GALNT3: variants seen among roughly 807,000 people sequenced by gnomAD.
The protein encoded by GALNT3 is polypeptide N-acetylgalactosaminyltransferase 3, also known as GalNAc transferase 3.
GALNT3 carries 51 observed loss-of-function variants against 69.8 expected under a neutral mutation model. The observed-to-expected ratio is 0.73, with a 90% CI of 0.58 to 0.92. GALNT3 has a LOEUF of 0.92. GALNT3 is among the 40% of genes least tolerant of loss of function. The pLI is 0.00. For missense variants in GALNT3, 711 were observed against 760.0 expected (o/e 0.94, Z 0.76); for synonymous variants, 265 against 248.5 (o/e 1.07, Z -0.63).
At chr2:165,792,759 A>G (rs73017465) in intron 1 of GALNT3, among the ~76,000 whole-genome samples, 24,958 of 152,106 alleles carry the variant, frequency 0.16, 2,447 homozygotes, top group East Asian at 0.34. Flanking sequence ...TAACATGTGC[A>G]CTAGATTTCA....
At chr2:165,752,733 A>G (rs935556797) in intron 9 of GALNT3, among the ~76,000 whole-genome samples, 1 of 152,172 alleles carries the variant, frequency 6.6e-6, no homozygotes, top group African/African-American at 2.4e-5. Flanking sequence ...AGGGATTTAC[A>G]TTTACTAGTA....
intron 2 of GALNT3, among the ~76,000 whole-genome samples, chr2:165,768,444 A>C (rs1268112938): frequency 1.3e-5 from 2 of 151,640 alleles, no homozygotes; most frequent in Non-Finnish European, 2.9e-5. Context: ...GCAATACTGC[A>C]TTCTAATCTA....
chr2:165,763,804 G>A (rs1279122624), intron 3 of GALNT3, among the ~76,000 whole-genome samples: 1 of 152,076 alleles, frequency 6.6e-6, no homozygotes, highest in Non-Finnish European at 1.5e-5. Context: ...TATTTGGGAG[G>A]TTAAGAACAG....
In GALNT3 at chr2:165,762,043, C is replaced by T; in HGVS notation, c.700G>A (p.Asp234Asn). 19 of 1,553,422 alleles carry T rather than the reference C, an allele frequency of 1.2e-5. No homozygotes were observed. The highest frequency in any genetic ancestry group is 1.7e-5 in the Non-Finnish European group (19 of 1,125,502). The change falls in exon 4 of 11, where the codon GAT becomes AAT. Residue 234 changes from aspartate (D) to asparagine (N), a missense_variant. Physicochemically the swap from Asp to Asn is conservative, Grantham distance 23 (BLOSUM62 1). Transcript: ENST00000392701. The stretch of plus-strand genomic sequence containing the variant: ...TGTTTTACATATTCATCTAGTTTAT[C>T]ATGTAAGTACTCTGTAAGGAAAAAA... ...DDASVDEYLH[D>N]KLDEYVKQFS...
At position 165,761,991 on chromosome 2, in the gene GALNT3, T is replaced by C; in HGVS notation, c.752A>G (p.Gln251Arg). The part of the protein sequence containing the change: ...KQFSIVKIVR[Q>R]RERKGLITAR... The stretch of plus-strand genomic sequence containing the variant: ...AGTGATCAGACCTTTTCTTTCTCTT[T>C]GTCTGACTATTTTTACTATAGAAAA... Residue 251 changes from glutamine (Q) to arginine (R), a missense_variant, in exon 4 of 11, where the codon CAA becomes CGA. Physicochemically the swap from Gln to Arg is conservative, Grantham distance 43 (BLOSUM62 1). Coordinates refer to ENST00000392701, the MANE Select transcript of GALNT3 (RefSeq NM_004482.4). 6.2e-7 allele frequency: 1 copy of C among 1,609,476 alleles called. No homozygotes were observed. Among genetic ancestry groups the C allele is most frequent in the Non-Finnish European group, 8.5e-7 (1 of 1,175,742 alleles).
chr2:165,784,133 C>A (rs7570718), intron 1 of GALNT3, among the ~76,000 whole-genome samples: 1 of 152,120 alleles, frequency 6.6e-6, no homozygotes, highest in African/African-American at 2.4e-5. Flanking sequence ...CAGAACCATG[C>A]ATAGTCAATT....
At chr2:165,772,224 A>T (rs1688765091) in intron 1 of GALNT3, among the ~76,000 whole-genome samples, 1 of 152,204 alleles carries the variant, frequency 6.6e-6, no homozygotes. Flanking sequence ...CAAGAAGCAG[A>T]ATTGAAATAT....
intron 4 of GALNT3, 40 bp downstream of exon 4, chr2:165,761,865 A>AG (rs758788912): frequency 1.2e-6 from 2 of 1,602,482 alleles, no homozygotes; most frequent in Non-Finnish European, 1.7e-6. Flanking sequence ...AGGGAGAGGG[A>AG]GGGAAAATGT....
Position 165,762,040 on chromosome 2 carries a change from T to C in GALNT3, c.703A>G (p.Lys235Glu). The change falls in exon 4 of 11, where the codon AAA becomes GAA. Residue 235 changes from lysine (K) to glutamate (E), a missense_variant. Transcript: ENST00000392701. ...AATTGTTTTACATATTCATCTAGTTTATCATGTAAGTACTCTGTAAGGAAA... is the reference window on the plus strand; with the variant it reads ...AATTGTTTTACATATTCATCTAGTTCATCATGTAAGTACTCTGTAAGGAAA... The part of the protein sequence containing the change: ...DASVDEYLHD[K>E]LDEYVKQFSI... 6.4e-7 allele frequency: 1 copy of C among 1,566,332 alleles called. No homozygotes were observed. The highest frequency in any genetic ancestry group is 2.2e-5 in the East Asian group (1 of 44,624).
At chr2:165,779,418 A>C (rs1683053357) in intron 1 of GALNT3, among the ~76,000 whole-genome samples, 1 of 152,178 alleles carries the variant, frequency 6.6e-6, no homozygotes, top group South Asian at 2.1e-4. Flanking sequence ...CACACACTGA[A>C]ACTCCTGTAC....
At chr2:165,749,501 A>G (rs1688317914) in intron 10 of GALNT3, among the ~76,000 whole-genome samples, 1 of 152,212 alleles carries the variant, frequency 6.6e-6, no homozygotes, top group Non-Finnish European at 1.5e-5. Context: ...AATAATTCAC[A>G]GAAGTGCTCA....
At chr2:165,749,944 T>C (rs1688328359) in intron 9 of GALNT3, 50 bp from the exon 10 acceptor site, 3 of 1,525,988 alleles carry the variant, frequency 2.0e-6, no homozygotes, top group East Asian at 4.5e-5. Flanking sequence ...ATGTGCTCAG[T>C]TGCAAAATAA....
chr2:165,787,488 G>A (rs1683249029), intron 1 of GALNT3, among the ~76,000 whole-genome samples: 1 of 152,186 alleles, frequency 6.6e-6, no homozygotes, highest in African/African-American at 2.4e-5. Flanking sequence ...CACTCTGGGT[G>A]CAGGGTGAGG....
intron 1 of GALNT3, among the ~76,000 whole-genome samples, chr2:165,781,187 G>A (rs1026830985): frequency 1.3e-5 from 2 of 152,116 alleles, no homozygotes; most frequent in East Asian, 3.8e-4. Flanking sequence ...GTACTGCTGG[G>A]CTTGCTGCAG....
intron 3 of GALNT3, 115 bp from the exon 4 acceptor site, chr2:165,762,169 T>TG (rs1401471138): frequency 1.2e-6 from 1 of 802,018 alleles, no homozygotes; most frequent in East Asian, 2.6e-5. Flanking sequence ...TCTTAACAGT[T>TG]GCATGTGTCC....
chr2:165,762,639 A>G (rs944938858), intron 3 of GALNT3, among the ~76,000 whole-genome samples: 2 of 152,206 alleles, frequency 1.3e-5, no homozygotes, highest in Non-Finnish European at 1.5e-5. Context: ...GTCTCCTGAC[A>G]GTTTTATTTA....
chr2:165,767,268 GA>G (rs921947666), intron 2 of GALNT3, among the ~76,000 whole-genome samples: 30 of 144,720 alleles, frequency 2.1e-4, no homozygotes, highest in Middle Eastern at 3.6e-3. Flanking sequence ...TATTTTTAAA[GA>G]AAAAAAAAAG....
intron 7 of GALNT3, among the ~76,000 whole-genome samples, chr2:165,756,163 C>T (rs1558995193): frequency 6.6e-6 from 1 of 152,198 alleles, no homozygotes; most frequent in East Asian, 1.9e-4. Context: ...AATCGTTCTT[C>T]ACCGCAACAG....
chr2:165,770,406 G>C lies in GALNT3; in HGVS notation c.295C>G (p.Gln99Glu), dbSNP rs1421054352. The C allele has an allele frequency of 6.2e-7, 1 of 1,614,052 alleles. No homozygotes were observed. Among genetic ancestry groups the C allele is most frequent in the Non-Finnish European group, 8.5e-7 (1 of 1,180,042 alleles). Reference sequence around the variant, plus strand: ...AATTCTGCTGCTGTATAATATCCTTGCAAACAAGGTCTCTCACCAGCATCA... The same window carrying C: ...AATTCTGCTGCTGTATAATATCCTTCCAAACAAGGTCTCTCACCAGCATCA... Reference protein sequence around the residue: ...NIDAGERPCLQGYYTAAELKP... With the variant: ...NIDAGERPCLEGYYTAAELKP... Residue 99 changes from glutamine (Q) to glutamate (E), a missense_variant, in exon 2 of 11, where the codon CAA becomes GAA. Physicochemically the swap from Gln to Glu is conservative, Grantham distance 29. Coordinates refer to ENST00000392701, the MANE Select transcript of GALNT3 (RefSeq NM_004482.4).
Sources: gnomAD v4.1 joint callset for allele counts (sites outside exome capture counted in the v4.1 genomes callset) on GRCh38, gnomAD v4.1.1 for gene constraint, MANE v1.5 for transcripts, NCBI Gene and HGNC (gene_info 2026-07-23, HGNC 2026-07-21) for gene names.